Variants in PSMG2 observed in about 807,000 individuals in gnomAD.
The protein encoded by PSMG2 is CD40 ligand-activated specific transcript 3.
A neutral mutation model predicts 31.5 loss-of-function variants in PSMG2; 21 were observed. That is an observed-to-expected ratio of 0.67 (90% CI 0.47 to 0.96). The LOEUF (loss-of-function observed/expected upper bound fraction) is 0.96, where lower values mean the gene tolerates loss of function less well. Among genes scored for constraint, PSMG2 ranks in the 40% least tolerant of loss-of-function variants. PSMG2 has a pLI of 0.00. For synonymous variants in PSMG2, 120 were observed against 110.4 expected (o/e 1.09, Z -0.54); for missense variants, 318 against 321.2 (o/e 0.99, Z 0.08).
At chr18:12,680,929 T>C in intron 1 of PSMG2, 1 of 1,108,658 alleles carries the variant, frequency 9.0e-7, no homozygotes, top group Non-Finnish European at 1.3e-6. Flanking sequence ...CTGGGCACAG[T>C]GGCTCACGCC....
Position 12,678,493 on chromosome 18 carries a change from A to G in PSMG2, c.-37+19720A>G. On this transcript the variant is annotated intron_variant, in intron 1 of 6. Coordinates refer to the PSMG2 transcript ENST00000585331. ...ATGAGAACTTAAAAATTAAAAAGGC[A>G]GCATCTTACTGAGAAAATTATTCTA... 4 of 1,224,010 alleles carry G rather than the reference A, an allele frequency of 3.3e-6. No homozygotes were observed. The South Asian group carries it at 4.7e-5, about 14-fold the overall frequency. 75.8% of individuals were successfully genotyped at this position (1,224,010 alleles called of 1,614,324 possible). A position where few individuals can be genotyped will look rare whatever the true frequency, so the allele number is the denominator to read the frequency against.
At chr18:12,681,951 G>A (rs1268931328) in intron 1 of PSMG2, among the ~76,000 whole-genome samples, 2 of 151,444 alleles carry the variant, frequency 1.3e-5, no homozygotes, top group Non-Finnish European at 2.9e-5. Flanking sequence ...AGCTGAGATC[G>A]TGCCACTGCA....
At chr18:12,673,816 G>C (rs986919998) in intron 1 of PSMG2, among the ~76,000 whole-genome samples, 6 of 152,164 alleles carry the variant, frequency 3.9e-5, no homozygotes, top group Non-Finnish European at 1.5e-5. Context: ...AGGAGGCAGA[G>C]GTTGCAGTGA....
At chr18:12,703,002 C>T (rs2040209208), upstream of PSMG2, 3 of 1,313,242 alleles carry the variant, frequency 2.3e-6, no homozygotes, top group African/African-American at 1.5e-5. Flanking sequence ...ACTCAAAGGA[C>T]CCTCCCGCGC....
Position 12,718,582 on chromosome 18 carries a change from CATT to C in PSMG2, c.355_357del (p.Ile119del). ...TGAAAAGCAGTGGCTGTGCCAGAGT[CATT>C]GTTCTTTCAAGCAGTCATTCATATC... On this transcript the variant is annotated inframe_deletion, in exon 4 of 7. Transcript: ENST00000317615. 6.2e-7 allele frequency: 1 copy of C among 1,612,434 alleles called. No homozygotes were observed.
intron 2 of PSMG2, 132 bp from the exon 3 acceptor site, chr18:12,712,570 T>C: frequency 1.6e-6 from 1 of 641,452 alleles, no homozygotes; most frequent in Non-Finnish European, 2.7e-6. Context: ...AGATGTCATA[T>C]ATGTTCCGTA....
chr18:12,716,908 C>A (rs1255039990), intron 3 of PSMG2, among the ~76,000 whole-genome samples: 1 of 151,566 alleles, frequency 6.6e-6, no homozygotes, highest in African/African-American at 2.4e-5. Context: ...AGCACTCTAA[C>A]CCAGGCAGCC....
chr18:12,707,963 G>T (rs1442992646), intron 2 of PSMG2, among the ~76,000 whole-genome samples: 1 of 152,126 alleles, frequency 6.6e-6, no homozygotes, highest in Non-Finnish European at 1.5e-5. Flanking sequence ...CTGCCTCAGA[G>T]GATAAAGGAC....
intron 3 of PSMG2, among the ~76,000 whole-genome samples, 185 bp from the exon 4 acceptor site, chr18:12,718,331 AG>A (rs2040397844): frequency 2.0e-5 from 3 of 152,218 alleles, no homozygotes; most frequent in Non-Finnish European, 4.4e-5. Context: ...AAGATACATT[AG>A]ATAATTCATT....
rs1420281570 is a variant in PSMG2 at position 12,703,117 on chromosome 18, C to G, written c.10C>G (p.Pro4Ala). ...CCACCCCACTGCGACCATGTTCGTT[C>G]CCTGCGGGGAGTCGGCCCCCGACCT... MFVPCGESAPDLAG... is the reference protein window; with the variant it reads MFVACGESAPDLAG... The change falls in exon 1 of 7, where the codon CCC (proline) becomes GCC (alanine). Residue 4 changes from proline to alanine, a missense_variant. Coordinates refer to ENST00000317615, the MANE Select transcript of PSMG2 (RefSeq NM_020232.5). The G allele has an allele frequency of 1.2e-6, 2 of 1,612,620 alleles. No homozygotes were observed. Among genetic ancestry groups the G allele is most frequent in the Non-Finnish European group, 1.7e-6 (2 of 1,179,666 alleles).
chr18:12,667,848 CTTTTTTTTT>C lies in PSMG2; in HGVS notation c.-37+9088_-37+9096del, dbSNP rs36019439. Among the ~76,000 whole-genome samples, 4 of 116,712 alleles carry C rather than the reference CTTTTTTTTT, an allele frequency of 3.4e-5. No homozygotes were observed. In the East Asian group the frequency reaches 9.4e-4, roughly 27 times the overall value. The allele number at this position is 116,712 out of a possible 152,430, so 76.6% of individuals were successfully genotyped here. On this transcript the variant is annotated intron_variant, in intron 1 of 6. Coordinates refer to the PSMG2 transcript ENST00000585331. ...ATAGACCTGCAGGTGCTTTCTGATC[CTTTTTTTTT>C]TTTTTTTTTTTTAAATAGAACAAGA...
At chr18:12,702,800 G>T, upstream of PSMG2, 1 of 567,364 alleles carries the variant, frequency 1.8e-6, no homozygotes, top group Non-Finnish European at 3.1e-6. Context: ...CCCGCACGCT[G>T]CCTGATCGTT....
chr18:12,714,870 A>G (rs9951096), intron 3 of PSMG2, among the ~76,000 whole-genome samples: 8 of 149,962 alleles, frequency 5.3e-5, no homozygotes, highest in African/African-American at 2.0e-4. Context: ...GTGCCCGGCT[A>G]AGTTTTGTAT....
intron 1 of PSMG2, among the ~76,000 whole-genome samples, chr18:12,681,238 CAGAA>C (rs1289771243): frequency 1.4e-5 from 2 of 146,472 alleles, no homozygotes; most frequent in Non-Finnish European, 3.0e-5. Context: ...TCACACAACA[CAGAA>C]AGAAAAGTAG....
chr18:12,720,653 G>C lies in PSMG2; in HGVS notation c.551G>C (p.Gly184Ala). Residue 184 changes from glycine (G) to alanine (A), a missense_variant, in exon 5 of 7, where the codon GGA (glycine) becomes GCA (alanine). Gly to Ala is a moderately conservative substitution (Grantham distance 60). Coordinates refer to ENST00000317615, the MANE Select transcript of PSMG2 (RefSeq NM_020232.5). The stretch of plus-strand genomic sequence containing the variant: ...GAGTTTTGTATCCGCATTCCGGGAG[G>C]AGGTATCACAAAAACACTCTATGAT... Reference protein sequence around the residue: ...DSEFCIRIPGGGITKTLYDES... With the variant: ...DSEFCIRIPGAGITKTLYDES... 1 of 1,612,632 alleles carries C rather than the reference G, an allele frequency of 6.2e-7. No homozygotes were observed. Among genetic ancestry groups the C allele is most frequent in the Non-Finnish European group, 8.5e-7 (1 of 1,179,664 alleles).
chr18:12,672,923 ATC>A (rs1432782366), intron 1 of PSMG2: 49 of 984,120 alleles, frequency 5.0e-5, no homozygotes, highest in Non-Finnish European at 5.4e-5. Context: ...CAATAAATAA[ATC>A]TGTCATGAGG....
upstream of PSMG2, chr18:12,699,072 G>C: frequency 1.2e-6 from 2 of 1,614,006 alleles, no homozygotes; most frequent in South Asian, 1.1e-5. Context: ...CGTTGGTTTC[G>C]ATAATGTAAA....
intron 1 of PSMG2, among the ~76,000 whole-genome samples, chr18:12,693,644 G>A (rs762963532): frequency 5.9e-5 from 9 of 152,006 alleles, no homozygotes; most frequent in Non-Finnish European, 1.3e-4. Context: ...TTAGCTGGGC[G>A]TGGTGGCACC....
intron 1 of PSMG2, among the ~76,000 whole-genome samples, chr18:12,677,004 C>A (rs2039158260): frequency 6.6e-6 from 1 of 152,194 alleles, no homozygotes; most frequent in Non-Finnish European, 1.5e-5. Flanking sequence ...ATATGTGTTA[C>A]AAACAACTTT....
Sources: gnomAD v4.1 joint callset for allele counts (sites outside exome capture counted in the v4.1 genomes callset) on GRCh38, gnomAD v4.1.1 for gene constraint, MANE v1.5 for transcripts, NCBI Gene and HGNC (gene_info 2026-07-23, HGNC 2026-07-21) for gene names.